Variants in OPHN1 observed in about 807,000 individuals in gnomAD.
The protein encoded by OPHN1 is oligophrenin 1.
Under a neutral mutation model 60.7 loss-of-function variants are expected in OPHN1, and 11 were observed. The ratio of observed to expected loss-of-function variants is 0.18; its 90% confidence interval spans 0.11 to 0.30. The LOEUF (loss-of-function observed/expected upper bound fraction) is 0.30. Among genes scored for constraint, OPHN1 ranks in the 10% least tolerant of loss-of-function variants. OPHN1 has a pLI of 1.00. For missense variants in OPHN1, 449 were observed against 611.0 expected, an observed-to-expected ratio of 0.73 and a Z score of 2.80; for synonymous variants, 226 against 222.6, an observed-to-expected ratio of 1.02 and a Z score of -0.14.
At chrX:68,386,757 T>TCTGATGAAGCCGTTATTTGCCC (rs1476300255) in intron 2 of OPHN1, among the ~76,000 whole-genome samples, 38 of 112,344 alleles carry the variant, frequency 3.4e-4, no homozygotes, top group Admixed American at 2.4e-3. Flanking sequence ...CGTATTTGGC[T>TCTGATGAAGCCGTTATTTGCCC]CTGATGAAGC....
At chrX:68,327,797 T>C (rs868865988) in intron 2 of OPHN1, among the ~76,000 whole-genome samples, 1 of 67,397 alleles carries the variant, frequency 1.5e-5, no homozygotes, top group Non-Finnish European at 2.8e-5. Context: ...ATAAAAAAAA[T>C]AAAAAAAAAA....
At chrX:68,232,866 T>G (rs1827977595) in intron 6 of OPHN1, among the ~76,000 whole-genome samples, 1 of 110,146 alleles carries the variant, frequency 9.1e-6, no homozygotes, top group South Asian at 3.9e-4. Context: ...CAGACTCAAT[T>G]CTAGTTTATG....
At position 68,125,930 on chromosome X, in the gene OPHN1, AAT is replaced by A. The variant is rs59058075; in HGVS notation, c.1277-6600_1277-6599del. On this transcript the variant is annotated intron_variant, in intron 15 of 24. Coordinates refer to ENST00000355520, the MANE Select transcript of OPHN1 (RefSeq NM_002547.3). ...AAGCTATTGGCCATAACCACTGATC[AAT>A]ATATATATATATATATATATATATA... Among the ~76,000 whole-genome samples, 50 of 22,261 alleles carry A rather than the reference AAT, an allele frequency of 2.2e-3. 2 individuals carry two copies. Among genetic ancestry groups the A allele is most frequent in the African/African-American group, 3.9e-3 (36 of 9,326 alleles). 19.3% of individuals were successfully genotyped at this position (22,261 alleles called of 115,157 possible). A position where few individuals can be genotyped will look rare whatever the true frequency, so the allele number is the denominator to read the frequency against.
intron 2 of OPHN1, among the ~76,000 whole-genome samples, chrX:68,399,804 T>C (rs766086039): frequency 1.9e-5 from 2 of 105,991 alleles, no homozygotes; most frequent in South Asian, 8.8e-4. Context: ...ACATTGGTCT[T>C]GTTTTAGTTT....
intron 2 of OPHN1, among the ~76,000 whole-genome samples, chrX:68,366,787 G>A (rs1195243131): frequency 8.9e-6 from 1 of 111,823 alleles, no homozygotes; most frequent in Non-Finnish European, 1.9e-5. Context: ...GATAACTAAC[G>A]TTTATTGAGC....
chrX:68,063,500 G>A (rs575538486), intron 21 of OPHN1, among the ~76,000 whole-genome samples: 2 of 105,577 alleles, frequency 1.9e-5, no homozygotes, highest in East Asian at 3.0e-4. Context: ...CAGCCTGGGT[G>A]ACAGAGTGAG....
At chrX:68,150,354 G>A (rs1188021850) in intron 15 of OPHN1, among the ~76,000 whole-genome samples, 1 of 111,649 alleles carries the variant, frequency 9.0e-6, no homozygotes, top group Non-Finnish European at 1.9e-5. Context: ...AAATATGTAA[G>A]AATCATTCTG....
At position 68,411,479 on chromosome X, in the gene OPHN1, G is replaced by A. The variant is rs180906440; in HGVS notation, c.154+21388C>T. On this transcript the variant is annotated intron_variant, in intron 2 of 24. Coordinates refer to ENST00000355520, the MANE Select transcript of OPHN1 (RefSeq NM_002547.3). ...TAGCCATTCTGACTGGGGTGAAATG[G>A]TATCTCACTGTGGTTTTGGTTTACA... is the stretch of plus-strand genomic sequence containing the variant. Among the ~76,000 whole-genome samples the A allele has an allele frequency of 2.4e-3, 273 of 112,031 alleles. 3 individuals carry two copies. Among genetic ancestry groups the A allele is most frequent in the South Asian group, 7.9e-3 (21 of 2,660 alleles).
At chrX:68,359,696 A>G (rs1443741405) in intron 2 of OPHN1, among the ~76,000 whole-genome samples, 2 of 108,891 alleles carry the variant, frequency 1.8e-5, no homozygotes, top group Non-Finnish European at 3.8e-5. Flanking sequence ...CTCTACTAAA[A>G]ATACAAAAAA....
intron 5 of OPHN1, among the ~76,000 whole-genome samples, chrX:68,268,321 C>G (rs777169645): frequency 2.8e-4 from 31 of 111,713 alleles, no homozygotes; most frequent in African/African-American, 1.0e-3. Flanking sequence ...CCCTGATGAA[C>G]GTAAATGCAA....
chrX:68,247,526 T>C (rs777567183), intron 5 of OPHN1, among the ~76,000 whole-genome samples: 1 of 111,554 alleles, frequency 9.0e-6, no homozygotes, highest in Non-Finnish European at 1.9e-5. Context: ...GGACAAGAGA[T>C]GCATCCCAAA....
chrX:68,251,178 ATGT>A (rs1367565372), intron 5 of OPHN1, among the ~76,000 whole-genome samples: 37 of 94,587 alleles, frequency 3.9e-4, no homozygotes, highest in African/African-American at 1.3e-3. Flanking sequence ...CCCTCCTCAA[ATGT>A]TTTTTTTTTT....
chrX:68,222,636 G>A (rs1028907076), intron 6 of OPHN1, among the ~76,000 whole-genome samples: 17 of 107,430 alleles, frequency 1.6e-4, no homozygotes, highest in Non-Finnish European at 2.5e-4. Context: ...TAGGGACATG[G>A]ATGAAATTGG....
At chrX:68,236,472 G>A (rs191905388) in intron 5 of OPHN1, among the ~76,000 whole-genome samples, 34 of 112,091 alleles carry the variant, frequency 3.0e-4, no homozygotes, top group Admixed American at 2.8e-3. Context: ...TCACAAAGCT[G>A]TGCAACCACT....
At position 68,091,147 on chromosome X, in the gene OPHN1, T is replaced by G. The variant is rs537410535; in HGVS notation, c.1686+5723A>C. Among the ~76,000 whole-genome samples, 7 of 111,547 alleles carry G rather than the reference T, an allele frequency of 6.3e-5. 1 individual carries two copies. Among genetic ancestry groups the G allele is most frequent in the African/African-American group, 2.3e-4 (7 of 30,733 alleles). ...AAACTTAAGTCTCAGCTTTGCCACTTACTACACTCAATGCCTCCATTTCCT... is the reference window on the plus strand; with the variant it reads ...AAACTTAAGTCTCAGCTTTGCCACTGACTACACTCAATGCCTCCATTTCCT... On this transcript the variant is annotated intron_variant, in intron 19 of 24. Coordinates refer to ENST00000355520, the MANE Select transcript of OPHN1 (RefSeq NM_002547.3).
chrX:68,351,661 C>A (rs776277730), intron 2 of OPHN1, among the ~76,000 whole-genome samples: 1 of 111,069 alleles, frequency 9.0e-6, no homozygotes, highest in African/African-American at 3.3e-5. Flanking sequence ...CTCCCAGCAG[C>A]CACCAAAGAA....
chrX:68,132,848 C>T (rs903422956), intron 15 of OPHN1: 7 of 270,025 alleles, frequency 2.6e-5, no homozygotes, highest in Admixed American at 1.7e-4. Context: ...GCTCCCGGTC[C>T]CTGGCCCGTC....
intron 21 of OPHN1, among the ~76,000 whole-genome samples, chrX:68,062,194 C>G (rs1200374441): frequency 2.7e-5 from 3 of 111,697 alleles, no homozygotes; most frequent in Admixed American, 1.9e-4. Context: ...CTCCCGATTC[C>G]CATTCTGGGC....
intron 15 of OPHN1, among the ~76,000 whole-genome samples, chrX:68,190,849 G>T (rs925524906): frequency 8.9e-6 from 1 of 112,246 alleles, no homozygotes; most frequent in Non-Finnish European, 1.9e-5. Flanking sequence ...TAGCTAATGA[G>T]ATGGGTTGCA....
Sources: gnomAD v4.1 joint callset for allele counts (sites outside exome capture counted in the v4.1 genomes callset) on GRCh38, gnomAD v4.1.1 for gene constraint, MANE v1.5 for transcripts, NCBI Gene and HGNC (gene_info 2026-07-23, HGNC 2026-07-21) for gene names.